Variants in HNRNPA1L2 observed in about 807,000 individuals in gnomAD.
HNRNPA1L2 encodes heterogeneous nuclear ribonucleoprotein A1-like 2.
Under a neutral mutation model 18.2 loss-of-function variants are expected in HNRNPA1L2, and 10 were observed. The observed-to-expected ratio is 0.55, with a 90% CI of 0.34 to 0.93. The LOEUF (loss-of-function observed/expected upper bound fraction) is 0.93. Ranked by LOEUF, HNRNPA1L2 falls within the 40% of genes least tolerant of loss-of-function variation. The pLI is 0.02. For synonymous variants in HNRNPA1L2, 124 were observed against 138.6 expected, an observed-to-expected ratio of 0.89 and a Z score of 0.74; for missense variants, 308 against 394.4, an observed-to-expected ratio of 0.78 and a Z score of 1.85.
chr13:52,628,174 G>C, the HNRNPA1L2 span, among the ~76,000 whole-genome samples: 368 of 152,298 alleles, frequency 2.4e-3, no homozygotes, highest in African/African-American at 8.5e-3. Context: ...CATGTGTGGT[G>C]GCTCATGCCC....
At chr13:52,642,173 T>C (rs1257413121), upstream of HNRNPA1L2, 4 of 356,498 alleles carry the variant, frequency 1.1e-5, no homozygotes, top group Non-Finnish European at 1.5e-5. Context: ...CAATGTGGGG[T>C]TGGTGATCCC....
the HNRNPA1L2 span, among the ~76,000 whole-genome samples, chr13:52,636,886 C>T: frequency 8.5e-5 from 13 of 152,114 alleles, no homozygotes; most frequent in African/African-American, 2.9e-4. Context: ...GGTCGGAATG[C>T]AGTGGCCCGA....
chr13:52,642,334 CAG>C, upstream of HNRNPA1L2: 1 of 949,334 alleles, frequency 1.1e-6, no homozygotes. Flanking sequence ...AAAAAATGTT[CAG>C]GCCCATATGA....
At chr13:52,636,086 C>T in the HNRNPA1L2 span, among the ~76,000 whole-genome samples, 21 of 152,246 alleles carry the variant, frequency 1.4e-4, no homozygotes, top group African/African-American at 5.1e-4. Flanking sequence ...CTGCCCGCCT[C>T]GGCCTCCCAA....
the HNRNPA1L2 span, among the ~76,000 whole-genome samples, chr13:52,626,380 C>T: frequency 4.0e-5 from 6 of 149,636 alleles, no homozygotes. Flanking sequence ...TGCTTGAACC[C>T]AGGACTTCGA....
At chr13:52,628,464 A>G in the HNRNPA1L2 span, among the ~76,000 whole-genome samples, 2 of 152,214 alleles carry the variant, frequency 1.3e-5, no homozygotes, top group African/African-American at 4.8e-5. Context: ...ATATTTAAAA[A>G]AAAAGAAAAC....
At chr13:52,641,844 A>C (rs1961667277), upstream of HNRNPA1L2, 2 of 152,170 alleles carry the variant, frequency 1.3e-5, no homozygotes, top group Admixed American at 6.5e-5. Flanking sequence ...AAACAGAAAA[A>C]CCCAACTCAA....
Position 52,642,657 on chromosome 13 carries a change from G to C in HNRNPA1L2, c.165G>C (p.Arg55Ser), listed in dbSNP as rs1480240316. ...VMRDPNTKRS[R>S]GFGFVTYATV... ...GAGATCCAAACACCAAGCGCTCCAG[G>C]GGCTTTGGGTTTGTCACATATGCCA... Residue 55 changes from arginine to serine, a missense_variant, in exon 1 of 1, where the codon AGG becomes AGC. Transcript: ENST00000357495. 1.2e-6 allele frequency: 2 copies of C among 1,611,162 alleles called. No homozygotes were observed. Among genetic ancestry groups the C allele is most frequent in the African/African-American group, 2.7e-5 (2 of 74,808 alleles).
At chr13:52,626,268 T>C in the HNRNPA1L2 span, among the ~76,000 whole-genome samples, 1 of 152,038 alleles carries the variant, frequency 6.6e-6, no homozygotes, top group Non-Finnish European at 1.5e-5. Flanking sequence ...GTCCCACTTA[T>C]TGAGATGGCA....
the HNRNPA1L2 span, among the ~76,000 whole-genome samples, chr13:52,634,997 A>C: frequency 5.3e-5 from 8 of 152,248 alleles, no homozygotes; most frequent in Non-Finnish European, 8.8e-5. Context: ...GATGGAAAAG[A>C]CATAGGTCGG....
chr13:52,626,167 C>G, the HNRNPA1L2 span, among the ~76,000 whole-genome samples: 1 of 151,972 alleles, frequency 6.6e-6, no homozygotes, highest in Non-Finnish European at 1.5e-5. Context: ...AAATCTTTCT[C>G]CAAGAACTTT....
the HNRNPA1L2 span, among the ~76,000 whole-genome samples, chr13:52,619,692 C>T: frequency 6.6e-6 from 1 of 151,940 alleles, no homozygotes; most frequent in Admixed American, 6.5e-5. Context: ...GAGGCTGAGG[C>T]AGGCGGATCA....
upstream of HNRNPA1L2, among the ~76,000 whole-genome samples, chr13:52,639,572 A>G (rs1161720940): frequency 1.3e-5 from 2 of 152,066 alleles, no homozygotes; most frequent in Non-Finnish European, 2.9e-5. Context: ...CAAGGAAGCA[A>G]AGAGAAGTGC....
the HNRNPA1L2 span, among the ~76,000 whole-genome samples, chr13:52,617,944 G>C: frequency 1.3e-5 from 2 of 152,224 alleles, no homozygotes; most frequent in East Asian, 1.9e-4. Context: ...ACTCCTGTCA[G>C]TTTATCCAAG....
the HNRNPA1L2 span, among the ~76,000 whole-genome samples, chr13:52,621,173 T>A: frequency 6.6e-6 from 1 of 152,228 alleles, no homozygotes; most frequent in East Asian, 1.9e-4. Flanking sequence ...TTACTTAGAA[T>A]TAGGACATCT....
chr13:52,622,545 GTTA>G, the HNRNPA1L2 span, among the ~76,000 whole-genome samples: 3 of 152,188 alleles, frequency 2.0e-5, no homozygotes, highest in Non-Finnish European at 2.9e-5. Context: ...ACTTATTGGT[GTTA>G]TTAACTGCTA....
At chr13:52,640,226 G>T (rs1022011229), upstream of HNRNPA1L2, among the ~76,000 whole-genome samples, 2 of 152,198 alleles carry the variant, frequency 1.3e-5, no homozygotes, top group Non-Finnish European at 2.9e-5. Context: ...ACAGGCGTGA[G>T]CCATTGCACC....
At position 52,643,166 on chromosome 13, in the gene HNRNPA1L2, G is replaced by T. The variant is rs148056290; in HGVS notation, c.674G>T (p.Arg225Leu). Residue 225 changes from arginine to leucine, a missense_variant, in exon 1 of 1, where the codon CGT becomes CTT. Transcript: ENST00000357495. ...NFGRGGNFSG[R>L]GGFGGSCGGG... is the part of the protein sequence containing the mutation. Reference sequence around the variant, plus strand: ...GGTCGTGGAGGAAACTTCAGTGGTCGTGGTGGCTTTGGTGGCAGCTGTGGT... The same window carrying T: ...GGTCGTGGAGGAAACTTCAGTGGTCTTGGTGGCTTTGGTGGCAGCTGTGGT... The T allele has an allele frequency of 6.3e-7, 1 of 1,598,084 alleles. No individual in the cohort carries two copies. The highest frequency in any genetic ancestry group is 1.1e-5 in the South Asian group (1 of 90,986).
chr13:52,635,893 C>T, the HNRNPA1L2 span, among the ~76,000 whole-genome samples: 17 of 148,460 alleles, frequency 1.1e-4, no homozygotes, highest in African/African-American at 3.0e-4. Flanking sequence ...TGCAATGGCG[C>T]GACCTCGGCT....
Sources: gnomAD v4.1 joint callset for allele counts (sites outside exome capture counted in the v4.1 genomes callset) on GRCh38, gnomAD v4.1.1 for gene constraint, MANE v1.5 for transcripts, NCBI Gene and HGNC (gene_info 2026-07-23, HGNC 2026-07-21) for gene names.